Variants in KCNQ3 observed in about 807,000 individuals in gnomAD.
KCNQ3 encodes the protein potassium voltage-gated channel subfamily KQT member 3.
A neutral mutation model predicts 92.5 loss-of-function variants in KCNQ3; 30 were observed. The ratio of observed to expected loss-of-function variants is 0.32; its 90% CI spans 0.24 to 0.44. The LOEUF (loss-of-function observed/expected upper bound fraction) is 0.44. Ranked by LOEUF, KCNQ3 falls within the 20% of genes least tolerant of loss-of-function variation. The pLI, the probability that KCNQ3 is intolerant of heterozygous loss-of-function variation, is 1.00. For synonymous variants in KCNQ3, 450 were observed against 468.8 expected (o/e 0.96, Z 0.52); for missense variants, 913 against 1,140.3 (o/e 0.80, Z 2.87).
At chr8:132,390,025 T>C (rs1001291118) in intron 1 of KCNQ3, among the ~76,000 whole-genome samples, 2 of 152,192 alleles carry the variant, frequency 1.3e-5, no homozygotes, top group African/African-American at 4.8e-5. Flanking sequence ...ATTACCTAAA[T>C]ATCCATCGAC....
At chr8:132,440,991 C>T (rs147573924) in intron 1 of KCNQ3, among the ~76,000 whole-genome samples, 1 of 152,340 alleles carries the variant, frequency 6.6e-6, no homozygotes, top group East Asian at 1.9e-4. Flanking sequence ...CTGCACTTAA[C>T]TCTCTATTCT....
chr8:132,143,122 T>C (rs924589576), intron 9 of KCNQ3, among the ~76,000 whole-genome samples: 2 of 152,206 alleles, frequency 1.3e-5, no homozygotes, highest in African/African-American at 4.8e-5. Context: ...CTGTTCTCTC[T>C]CACCCAGCAC....
chr8:132,279,731 T>C (rs555246801), intron 1 of KCNQ3, among the ~76,000 whole-genome samples: 6 of 152,220 alleles, frequency 3.9e-5, no homozygotes, highest in African/African-American at 1.4e-4. Flanking sequence ...TACATATGCA[T>C]GTAAACACAA....
At chr8:132,366,276 T>C (rs1220761847) in intron 1 of KCNQ3, among the ~76,000 whole-genome samples, 6 of 152,194 alleles carry the variant, frequency 3.9e-5, no homozygotes, top group South Asian at 2.1e-4. Context: ...CTATGGTAAA[T>C]TGTATATCGA....
rs943320000 is a variant in KCNQ3, at chr8:132,172,835, G to A, written c.1045-142C>T. ...ACAACACTGTACAAAGAAGGGAAGGGGGAAAGAGCCCTTCCTTCTCTTGAA... is the reference window on the plus strand; with the variant it reads ...ACAACACTGTACAAAGAAGGGAAGGAGGAAAGAGCCCTTCCTTCTCTTGAA... On this transcript the variant is annotated intron_variant, in intron 6 of 14. Transcript: ENST00000388996. The A allele has an allele frequency of 4.3e-6, 3 of 698,290 alleles. No homozygotes were observed. In the East Asian group the frequency reaches 8.0e-5, roughly 19 times the overall value. 43.3% of individuals were successfully genotyped at this position (698,290 alleles called of 1,614,324 possible).
At chr8:132,253,539 G>A (rs1815484561) in intron 1 of KCNQ3, among the ~76,000 whole-genome samples, 1 of 152,200 alleles carries the variant, frequency 6.6e-6, no homozygotes, top group Non-Finnish European at 1.5e-5. Context: ...TTAAGGCTAT[G>A]TGACTCCAGA....
intron 1 of KCNQ3, among the ~76,000 whole-genome samples, chr8:132,401,382 C>CTT (rs34392139): frequency 0.55 from 82,217 of 148,276 alleles, 24,188 homozygotes; most frequent in South Asian, 0.69. Flanking sequence ...GAATAGAACA[C>CTT]TTTTTTTTTT....
chr8:132,444,536 C>G (rs1449022906), intron 1 of KCNQ3, among the ~76,000 whole-genome samples: 1 of 152,196 alleles, frequency 6.6e-6, no homozygotes, highest in Non-Finnish European at 1.5e-5. Context: ...AATCATGTAA[C>G]TTTTCTGTGC....
intron 1 of KCNQ3, among the ~76,000 whole-genome samples, chr8:132,466,763 C>T (rs1822181988): frequency 6.6e-6 from 1 of 152,198 alleles, no homozygotes; most frequent in Non-Finnish European, 1.5e-5. Context: ...GTGAAAAAAT[C>T]TTACTCTTTT....
chr8:132,393,469 C>A (rs1427754421), intron 1 of KCNQ3, among the ~76,000 whole-genome samples: 1 of 152,182 alleles, frequency 6.6e-6, no homozygotes, highest in East Asian at 1.9e-4. Context: ...AAGAGTATGG[C>A]TGGGTTCCAA....
At chr8:132,287,321 G>C (rs963403929) in intron 1 of KCNQ3, among the ~76,000 whole-genome samples, 9 of 152,208 alleles carry the variant, frequency 5.9e-5, no homozygotes, top group Non-Finnish European at 1.2e-4. Context: ...ACCAGAGAGA[G>C]TGGTTAAAAC....
At chr8:132,278,412 A>G (rs898936509) in intron 1 of KCNQ3, among the ~76,000 whole-genome samples, 8 of 152,232 alleles carry the variant, frequency 5.3e-5, no homozygotes, top group South Asian at 2.1e-4. Flanking sequence ...GCTTCCTGGT[A>G]TTCCTGTCTG....
At chr8:132,172,149 A>G (rs1254457612) in intron 7 of KCNQ3, among the ~76,000 whole-genome samples, 1 of 151,956 alleles carries the variant, frequency 6.6e-6, no homozygotes, top group Non-Finnish European at 1.5e-5. Context: ...ATCGCACCCT[A>G]CACTCCAGCC....
At chr8:132,329,572 G>A (rs1182168756) in intron 1 of KCNQ3, among the ~76,000 whole-genome samples, 1 of 152,086 alleles carries the variant, frequency 6.6e-6, no homozygotes, top group Non-Finnish European at 1.5e-5. Flanking sequence ...CACAACATAC[G>A]ACAGTGGTCG....
intron 1 of KCNQ3, among the ~76,000 whole-genome samples, chr8:132,341,741 T>A (rs571341989): frequency 5.7e-4 from 87 of 152,286 alleles, no homozygotes; most frequent in African/African-American, 2.0e-3. Context: ...ACCAGCTTAT[T>A]ATCTCTCTAA....
chr8:132,263,413 T>A (rs1277895696), intron 1 of KCNQ3, among the ~76,000 whole-genome samples: 1 of 152,198 alleles, frequency 6.6e-6, no homozygotes, highest in Non-Finnish European at 1.5e-5. Context: ...TACAGCCCCA[T>A]TTCTATCCAG....
At chr8:132,476,572 T>A (rs1036068608) in intron 1 of KCNQ3, among the ~76,000 whole-genome samples, 4 of 152,212 alleles carry the variant, frequency 2.6e-5, no homozygotes, top group Non-Finnish European at 4.4e-5. Context: ...GTTACAGACT[T>A]GCATGGGGCC....
chr8:132,436,658 T>C (rs1047781746), intron 1 of KCNQ3, among the ~76,000 whole-genome samples: 9 of 152,262 alleles, frequency 5.9e-5, no homozygotes, highest in Non-Finnish European at 1.2e-4. Flanking sequence ...ATTTTTGCTA[T>C]GTATTTCACG....
At chr8:132,310,299 G>A (rs975452411) in intron 1 of KCNQ3, among the ~76,000 whole-genome samples, 2 of 151,962 alleles carry the variant, frequency 1.3e-5, no homozygotes, top group African/African-American at 4.8e-5. Flanking sequence ...GTGCAACCTC[G>A]GGTCCATCTC....
Sources: gnomAD v4.1 joint callset for allele counts (sites outside exome capture counted in the v4.1 genomes callset) on GRCh38, gnomAD v4.1.1 for gene constraint, MANE v1.5 for transcripts, NCBI Gene and HGNC (gene_info 2026-07-23, HGNC 2026-07-21) for gene names.